NARS2: variants seen among roughly 807,000 people sequenced by gnomAD.
The protein encoded by NARS2 is asparaginyl-tRNA synthetase 2, mitochondrial, also known as asparaginyl-tRNA synthetase.
In NARS2, 60 loss-of-function variants were observed where a neutral mutation model predicts 62.9. The observed-to-expected ratio is 0.95, with a 90% confidence interval of 0.77 to 1.18. The LOEUF (loss-of-function observed/expected upper bound fraction) is 1.18. Among genes scored for constraint, NARS2 ranks in the 50% most tolerant of loss-of-function variants. The pLI, the probability that NARS2 is intolerant of heterozygous loss-of-function variation, is 0.00. For synonymous variants in NARS2, 196 were observed against 200.0 expected (o/e 0.98, Z 0.17); for missense variants, 619 against 576.4 (o/e 1.07, Z -0.76).
At chr11:78,436,914 A>T in intron 13 of NARS2, 100 bp from the exon 14 acceptor site, 1 of 1,192,684 alleles carries the variant, frequency 8.4e-7, no homozygotes, top group Non-Finnish European at 1.2e-6. Flanking sequence ...ATCATTTGTT[A>T]TTGTTTACCT....
In NARS2 at chr11:78,441,650, G is replaced by A. The variant is rs186278324; in HGVS notation, c.1263-533C>T. 9.0e-4 allele frequency among the ~76,000 whole-genome samples: 137 copies of A among 151,782 alleles called. 1 individual carries two copies. Among genetic ancestry groups the A allele is most frequent in the Admixed American group, 8.9e-3 (136 of 15,248 alleles). ...TGCTTGAACCTAGGAGGCAGAAGTTGCAGTGAACCAAGATCATGCCACTGC... is the reference window on the plus strand; with the variant it reads ...TGCTTGAACCTAGGAGGCAGAAGTTACAGTGAACCAAGATCATGCCACTGC... On this transcript the variant is annotated intron_variant, in intron 12 of 13. Transcript: ENST00000281038.
At chr11:78,529,009 C>A in intron 5 of NARS2, 73 bp from the exon 6 acceptor site, 2 of 958,458 alleles carry the variant, frequency 2.1e-6, no homozygotes, top group South Asian at 1.4e-5. Flanking sequence ...ATATACATGT[C>A]ACAACTAAAA....
Position 78,526,519 on chromosome 11 carries a change from T to C in NARS2, c.689+2323A>G, listed in dbSNP as rs141174836. The stretch of plus-strand genomic sequence containing the variant: ...CAATTTCTTATTGGAGAATAAATCA[T>C]ACTTTAATCAAAAACATTATGTTCT... On this transcript the variant is annotated intron_variant, in intron 6 of 13. Coordinates refer to ENST00000281038, the MANE Select transcript of NARS2 (RefSeq NM_024678.6). 2.1e-3 allele frequency among the ~76,000 whole-genome samples: 327 copies of C among 152,310 alleles called. 2 individuals carry two copies. Among genetic ancestry groups the C allele is most frequent in the Admixed American group, 2.3e-3 (35 of 15,302 alleles).
In NARS2 at chr11:78,469,275, G is replaced by A. The variant is rs764473733; in HGVS notation, c.998C>T (p.Ala333Val). ...TGGGGTAAAGGTGAAGTTCTGGGATGCTTGCTTTAAGATCTCCACTGCTTC... is the reference window on the plus strand; with the variant it reads ...TGGGGTAAAGGTGAAGTTCTGGGATACTTGCTTTAAGATCTCCACTGCTTC... ...YTEAVEILKQ[A>V]SQNFTFTPEW... Residue 333 changes from alanine to valine, a missense_variant, in exon 10 of 14, where the codon GCA (alanine) becomes GTA (valine). Transcript: ENST00000281038. 5 of 1,613,182 alleles carry A rather than the reference G, an allele frequency of 3.1e-6. No individual in the cohort carries two copies. The highest frequency in any genetic ancestry group is 1.6e-4 in the Middle Eastern group (1 of 6,082).
rs541861895 is a variant in NARS2, at chr11:78,465,342, G to C, written c.1164+534C>G. Among the ~76,000 whole-genome samples, 9 of 152,370 alleles carry C rather than the reference G, an allele frequency of 5.9e-5. No homozygotes were observed. The East Asian group carries it at 1.7e-3, about 29-fold the overall frequency. ...GCTCCGGCCTTGGCCAGCCCAGAAA[G>C]GGGCTCCCACAGTGCAGTGGCAGGC... On this transcript the variant is annotated intron_variant, in intron 11 of 13. Transcript: ENST00000281038.
At chr11:78,474,339 T>A (rs923453088) in intron 9 of NARS2, among the ~76,000 whole-genome samples, 1 of 152,206 alleles carries the variant, frequency 6.6e-6, no homozygotes, top group Non-Finnish European at 1.5e-5. Flanking sequence ...GTTCATCTTT[T>A]TCTCTAGATT....
intron 7 of NARS2, among the ~76,000 whole-genome samples, chr11:78,492,615 G>A (rs963740671): frequency 6.6e-6 from 1 of 152,038 alleles, no homozygotes; most frequent in Non-Finnish European, 1.5e-5. Flanking sequence ...GCTACATAGG[G>A]GTTTATGTAA....
At chr11:78,563,977 C>A (rs1590871119) in intron 4 of NARS2, among the ~76,000 whole-genome samples, 1 of 148,762 alleles carries the variant, frequency 6.7e-6, no homozygotes, top group Admixed American at 6.7e-5. Flanking sequence ...TCTCTACTCA[C>A]TGCAACCTCC....
At chr11:78,500,490 T>C (rs1860239472) in intron 6 of NARS2, among the ~76,000 whole-genome samples, 1 of 152,224 alleles carries the variant, frequency 6.6e-6, no homozygotes, top group Non-Finnish European at 1.5e-5. Context: ...TTATTTTTTT[T>C]TGAGGCAGGG....
At position 78,568,504 on chromosome 11, in the gene NARS2, G is replaced by A. The variant is rs1335058991; in HGVS notation, c.372+128C>T. On this transcript the variant is annotated intron_variant, in intron 3 of 13. Coordinates refer to ENST00000281038, the MANE Select transcript of NARS2 (RefSeq NM_024678.6). ...TGCTACTGCCTCTACAGGTCATATG[G>A]CTTGTTTCAATTATCTGTCACAAAT... 4 of 1,179,760 alleles carry A rather than the reference G, an allele frequency of 3.4e-6. No homozygotes were observed. In the South Asian group the frequency reaches 5.3e-5, roughly 16 times the overall value. The allele number at this position is 1,179,760 out of a possible 1,614,324, so 73.1% of individuals were successfully genotyped here.
chr11:78,440,062 AAATT>A (rs1857529191), intron 13 of NARS2, among the ~76,000 whole-genome samples: 2 of 152,166 alleles, frequency 1.3e-5, no homozygotes. Flanking sequence ...GGATTTTTTT[AAATT>A]AATTAATTTA....
At chr11:78,552,610 G>A (rs900530495) in intron 5 of NARS2, among the ~76,000 whole-genome samples, 1 of 152,302 alleles carries the variant, frequency 6.6e-6, no homozygotes, top group Admixed American at 6.5e-5. Context: ...ATGCATATTT[G>A]ATTGCCTCCT....
At chr11:78,457,815 CACACACACACACAA>C (rs1436875765) in intron 11 of NARS2, among the ~76,000 whole-genome samples, 30 of 151,764 alleles carry the variant, frequency 2.0e-4, no homozygotes, top group Non-Finnish European at 3.8e-4. Flanking sequence ...CACACACACA[CACACACACACACAA>C]ACACACACAC....
intron 2 of NARS2, among the ~76,000 whole-genome samples, chr11:78,570,616 A>T (rs998726719): frequency 2.5e-4 from 38 of 152,192 alleles, no homozygotes; most frequent in African/African-American, 8.9e-4. Flanking sequence ...ACTTGACTCA[A>T]GTGATCCGTC....
intron 4 of NARS2, among the ~76,000 whole-genome samples, chr11:78,561,578 T>C (rs1856555993): frequency 6.6e-6 from 1 of 152,206 alleles, no homozygotes; most frequent in African/African-American, 2.4e-5. Flanking sequence ...TATCCCAAAA[T>C]TATAAAGTTC....
At chr11:78,469,150 GA>G in intron 10 of NARS2, 96 bp downstream of exon 10, 2 of 819,930 alleles carry the variant, frequency 2.4e-6, no homozygotes, top group Non-Finnish European at 4.1e-6. Flanking sequence ...GCTAATAAGA[GA>G]ATTAAGATGA....
At chr11:78,484,305 A>G (rs1407975139) in intron 7 of NARS2, among the ~76,000 whole-genome samples, 3 of 152,226 alleles carry the variant, frequency 2.0e-5, no homozygotes, top group African/African-American at 7.2e-5. Context: ...AAACGTAGGC[A>G]ATACCATTCA....
intron 11 of NARS2, among the ~76,000 whole-genome samples, chr11:78,456,086 T>G (rs17826320): frequency 0.031 from 4,763 of 152,250 alleles, 113 homozygotes; most frequent in Non-Finnish European, 0.046. Context: ...ATATAAATAA[T>G]TTCTCAACTC....
At chr11:78,519,196 A>G (rs1861022605) in intron 6 of NARS2, among the ~76,000 whole-genome samples, 1 of 152,194 alleles carries the variant, frequency 6.6e-6, no homozygotes, top group African/African-American at 2.4e-5. Flanking sequence ...ACAGGGTAAG[A>G]GCATCCTGAG....
Sources: gnomAD v4.1 joint callset for allele counts (sites outside exome capture counted in the v4.1 genomes callset) on GRCh38, gnomAD v4.1.1 for gene constraint, MANE v1.5 for transcripts, NCBI Gene and HGNC (gene_info 2026-07-23, HGNC 2026-07-21) for gene names.